The following EVA1C variants were observed in gnomAD, a reference collection of about 807,000 sequenced individuals.
The protein encoded by EVA1C is protein eva-1 homolog C.
EVA1C carries 25 observed loss-of-function variants against 45.4 expected under a neutral mutation model. That is an observed-to-expected ratio of 0.55 (90% confidence interval 0.40 to 0.77). The LOEUF (loss-of-function observed/expected upper bound fraction) is 0.77, where lower values mean the gene tolerates loss of function less well. EVA1C is among the 30% of genes least tolerant of loss of function. The pLI is 0.00. For missense variants in EVA1C, 479 were observed against 554.8 expected, an observed-to-expected ratio of 0.86 and a Z score of 1.37; for synonymous variants, 190 against 221.2, an observed-to-expected ratio of 0.86 and a Z score of 1.25.
chr21:32,479,028 C>T lies in EVA1C; in HGVS notation c.634+11180C>T, dbSNP rs141857981. Among the ~76,000 whole-genome samples the T allele has an allele frequency of 7.9e-3, 1,203 of 152,372 alleles. 13 individuals carry two copies. The highest frequency in any genetic ancestry group is 0.013 in the Non-Finnish European group (898 of 68,038). On this transcript the variant is annotated intron_variant, in intron 4 of 7. Transcript: ENST00000300255. ...AACACAGGTTGGAAGGAGTAATTAACTTCAGTTTCACTGTTAAGTAATAGC... is the reference window on the plus strand; with the variant it reads ...AACACAGGTTGGAAGGAGTAATTAATTTCAGTTTCACTGTTAAGTAATAGC...
intron 1 of EVA1C, among the ~76,000 whole-genome samples, chr21:32,440,315 A>T (rs1473635143): frequency 6.6e-6 from 1 of 152,200 alleles, no homozygotes; most frequent in Non-Finnish European, 1.5e-5. Context: ...CTGTGTCCCG[A>T]AGAAAAGAAA....
chr21:32,436,897 T>C (rs919966425), intron 1 of EVA1C, among the ~76,000 whole-genome samples: 2 of 152,230 alleles, frequency 1.3e-5, no homozygotes, highest in Non-Finnish European at 2.9e-5. Context: ...CAGTGGCTCA[T>C]GCCTGTAATC....
intron 4 of EVA1C, among the ~76,000 whole-genome samples, chr21:32,472,794 C>A (rs2036425140): frequency 6.6e-6 from 1 of 152,224 alleles, no homozygotes; most frequent in Non-Finnish European, 1.5e-5. Flanking sequence ...GAAGAAAAGT[C>A]TGTGACTCTG....
At chr21:32,422,901 T>G (rs1358814842) in intron 1 of EVA1C, among the ~76,000 whole-genome samples, 9 of 151,350 alleles carry the variant, frequency 5.9e-5, no homozygotes, top group African/African-American at 2.2e-4. Flanking sequence ...TGAAACCATG[T>G]CTGTACTAAA....
chr21:32,477,629 T>C (rs1214870563), intron 4 of EVA1C, among the ~76,000 whole-genome samples: 4 of 151,674 alleles, frequency 2.6e-5, no homozygotes, highest in Non-Finnish European at 5.9e-5. Context: ...CTCTTATGTG[T>C]CCTTACAACA....
At chr21:32,472,158 T>A (rs8134422) in intron 4 of EVA1C, among the ~76,000 whole-genome samples, 46,283 of 150,730 alleles carry the variant, frequency 0.31, 8,926 homozygotes, top group African/African-American at 0.55. Flanking sequence ...TTAATTAATT[T>A]ATTTATTTAT....
chr21:32,440,372 A>T (rs943052388), intron 1 of EVA1C, among the ~76,000 whole-genome samples: 3 of 152,226 alleles, frequency 2.0e-5, no homozygotes, highest in African/African-American at 4.8e-5. Context: ...GGATTGATCC[A>T]GTTACTTTTA....
chr21:32,441,281 A>C (rs2035164863), intron 1 of EVA1C, among the ~76,000 whole-genome samples: 1 of 152,110 alleles, frequency 6.6e-6, no homozygotes, highest in Non-Finnish European at 1.5e-5. Context: ...GTGGGGCAGG[A>C]GGTGTGCTGT....
chr21:32,424,692 G>A (rs564854978), intron 1 of EVA1C, among the ~76,000 whole-genome samples: 25 of 152,302 alleles, frequency 1.6e-4, no homozygotes, highest in South Asian at 1.5e-3. Context: ...CTGTGGTCCC[G>A]CTCTGTGGAA....
At chr21:32,467,332 AAGGCCC>A (rs1339669781) in intron 3 of EVA1C, among the ~76,000 whole-genome samples, 10 of 152,084 alleles carry the variant, frequency 6.6e-5, no homozygotes, top group Non-Finnish European at 1.5e-4. Context: ...CATTTGAGAA[AAGGCCC>A]CCTTCAGTGA....
chr21:32,475,877 C>G (rs1372205345), intron 4 of EVA1C, among the ~76,000 whole-genome samples: 1 of 73,134 alleles, frequency 1.4e-5, no homozygotes, highest in Non-Finnish European at 2.6e-5. Context: ...TTTCTAAAAA[C>G]TTTATCTATC....
chr21:32,506,156 G>C (rs148583715), intron 7 of EVA1C, among the ~76,000 whole-genome samples: 1,929 of 151,154 alleles, frequency 0.013, 45 homozygotes, highest in African/African-American at 0.044. Flanking sequence ...CCACAGGATA[G>C]AGATATTCGT....
chr21:32,513,343 G>GTT (rs1178101131), intron 7 of EVA1C, among the ~76,000 whole-genome samples: 2 of 144,002 alleles, frequency 1.4e-5, no homozygotes, highest in African/African-American at 5.0e-5. Context: ...CACCCGGCTA[G>GTT]TTTTTTTTTT....
chr21:32,435,573 C>A (rs1365791489), intron 1 of EVA1C, among the ~76,000 whole-genome samples: 1 of 152,196 alleles, frequency 6.6e-6, no homozygotes, highest in African/African-American at 2.4e-5. Context: ...TCCCAGCCAA[C>A]GGTACCACTG....
At position 32,489,556 on chromosome 21, in the gene EVA1C, T is replaced by C. The variant is rs150264093; in HGVS notation, c.635-5471T>C. On this transcript the variant is annotated intron_variant, in intron 4 of 7. Coordinates refer to ENST00000300255, the MANE Select transcript of EVA1C (RefSeq NM_058187.5). ...GTGATGCTTCCAGTTTTGTTATTTT[T>C]GCTCAAGATTGCTTTGGCTGTTCAT... Among the ~76,000 whole-genome samples the C allele has an allele frequency of 3.0e-4, 45 of 152,354 alleles. No homozygotes were observed. In the East Asian group the frequency reaches 8.1e-3, roughly 27 times the overall value.
chr21:32,430,809 A>G (rs2034669915), intron 1 of EVA1C, among the ~76,000 whole-genome samples: 1 of 151,838 alleles, frequency 6.6e-6, no homozygotes, highest in African/African-American at 2.4e-5. Flanking sequence ...CCCATCTCTA[A>G]TAAAAATACA....
At chr21:32,493,952 A>G (rs2037255597) in intron 4 of EVA1C, among the ~76,000 whole-genome samples, 4 of 152,070 alleles carry the variant, frequency 2.6e-5, no homozygotes, top group African/African-American at 9.7e-5. Context: ...GGCACATGCC[A>G]CCACACCCGG....
chr21:32,514,648 T>A (rs1406138839), intron 7 of EVA1C, among the ~76,000 whole-genome samples, 166 bp from the exon 8 acceptor site: 1 of 152,082 alleles, frequency 6.6e-6, no homozygotes, highest in Non-Finnish European at 1.5e-5. Context: ...TGAAAAAAAA[T>A]GTCAGTGGGG....
At chr21:32,458,563 CT>C (rs1250852017) in intron 3 of EVA1C, among the ~76,000 whole-genome samples, 1 of 150,530 alleles carries the variant, frequency 6.6e-6, no homozygotes. Context: ...CTCACCACAA[CT>C]TTCGCCTCCC....
Sources: gnomAD v4.1 joint callset for allele counts (sites outside exome capture counted in the v4.1 genomes callset) on GRCh38, gnomAD v4.1.1 for gene constraint, MANE v1.5 for transcripts, NCBI Gene and HGNC (gene_info 2026-07-23, HGNC 2026-07-21) for gene names.